Variants in GMDS observed in about 807,000 individuals in gnomAD.
GMDS encodes the protein GDP-mannose 4,6 dehydratase.
GMDS carries 20 observed loss-of-function variants against 49.9 expected under a neutral mutation model. That is an observed-to-expected ratio of 0.40 (90% confidence interval 0.28 to 0.58). The LOEUF is 0.58. Ranked by LOEUF, GMDS falls within the 20% of genes least tolerant of loss-of-function variation. The pLI, the probability that GMDS is intolerant of heterozygous loss-of-function variation, is 0.42. For synonymous variants in GMDS, 177 were observed against 178.6 expected (o/e 0.99, Z 0.07); for missense variants, 362 against 481.4 (o/e 0.75, Z 2.32).
At chr6:1,872,342 T>A (rs889114420) in intron 7 of GMDS, among the ~76,000 whole-genome samples, 29 of 152,378 alleles carry the variant, frequency 1.9e-4, no homozygotes, top group African/African-American at 7.0e-4. Context: ...TTCTTTTGCC[T>A]ATGACTTGCA....
intron 1 of GMDS, among the ~76,000 whole-genome samples, chr6:2,240,041 A>G (rs908840268): frequency 6.6e-6 from 1 of 152,190 alleles, no homozygotes; most frequent in Non-Finnish European, 1.5e-5. Flanking sequence ...AAATCCCAGC[A>G]AGGAAGATTT....
At chr6:1,875,709 C>G (rs368146208) in intron 7 of GMDS, among the ~76,000 whole-genome samples, 1 of 152,056 alleles carries the variant, frequency 6.6e-6, no homozygotes, top group African/African-American at 2.4e-5. Flanking sequence ...AATAATAGCA[C>G]ATTGTTAATC....
intron 1 of GMDS, among the ~76,000 whole-genome samples, chr6:2,161,986 G>A (rs757124538): frequency 3.3e-5 from 5 of 152,084 alleles, no homozygotes; most frequent in Admixed American, 6.5e-5. Context: ...AAAAAACAGA[G>A]CTGGTTCTCT....
intron 1 of GMDS, among the ~76,000 whole-genome samples, chr6:2,241,442 C>G (rs377205383): frequency 3.9e-5 from 6 of 152,046 alleles, no homozygotes; most frequent in African/African-American, 1.4e-4. Flanking sequence ...TCTGGGGGGT[C>G]AGGGATGGAA....
intron 7 of GMDS, among the ~76,000 whole-genome samples, chr6:1,797,931 G>A (rs1285771559): frequency 2.6e-5 from 4 of 152,150 alleles, no homozygotes; most frequent in African/African-American, 9.7e-5. Flanking sequence ...ACACTTTGAT[G>A]TCTCTGTTTG....
intron 7 of GMDS, among the ~76,000 whole-genome samples, chr6:1,921,717 C>T (rs1045834427): frequency 8.5e-5 from 13 of 152,090 alleles, no homozygotes; most frequent in Admixed American, 5.9e-4. Context: ...TTAATCAAGG[C>T]CCTTGAATTG....
chr6:1,673,998 C>T lies in GMDS; in HGVS notation c.988-49458G>A, dbSNP rs146978585. Among the ~76,000 whole-genome samples, 8 of 90,346 alleles carry T rather than the reference C, an allele frequency of 8.9e-5. No homozygotes were observed. In the East Asian group the frequency reaches 1.0e-3, roughly 11 times the overall value. The allele number at this position is 90,346 out of a possible 152,430, so 59.3% of individuals were successfully genotyped here. ...AATAATGCTGCTATAAACATCTATG[C>T]GCAGGTTTTTCTGAGGACATGTTTT... On this transcript the variant is annotated intron_variant, in intron 9 of 10. Transcript: ENST00000380815.
At chr6:2,228,926 G>A (rs943998201) in intron 1 of GMDS, among the ~76,000 whole-genome samples, 4 of 152,160 alleles carry the variant, frequency 2.6e-5, no homozygotes, top group Non-Finnish European at 5.9e-5. Flanking sequence ...CCAGGCTCTG[G>A]GCAGCAACCA....
intron 6 of GMDS, chr6:1,949,023 C>T (rs1763216312): frequency 2.1e-6 from 2 of 945,490 alleles, no homozygotes; most frequent in Non-Finnish European, 2.5e-6. Flanking sequence ...CCACAGCAAT[C>T]CCACTAACAG....
At position 2,245,433 on chromosome 6, in the gene GMDS, G is replaced by GGGCGTGCGGTCGGCGGCAGGGC; in HGVS notation, c.-33_-12dup. ...CGGTGCGTGTGCCATGTCCCGCGGC[G>GGGCGTGCGGTCGGCGGCAGGGC]GGCGTGCGGTCGGCGGCAGGGCGGA... On this transcript the variant is annotated 5_prime_UTR_variant, in exon 1 of 11. Coordinates refer to ENST00000380815, the MANE Select transcript of GMDS (RefSeq NM_001500.4). 1 of 1,454,276 alleles carries GGGCGTGCGGTCGGCGGCAGGGC rather than the reference G, an allele frequency of 6.9e-7. No individual in the cohort carries two copies. The highest frequency in any genetic ancestry group is 9.0e-7 in the Non-Finnish European group (1 of 1,109,400). 90.1% of individuals were successfully genotyped at this position (1,454,276 alleles called of 1,614,324 possible). A position where few individuals can be genotyped will look rare whatever the true frequency, so the allele number is the denominator to read the frequency against.
intron 9 of GMDS, among the ~76,000 whole-genome samples, chr6:1,690,513 A>C (rs1765133998): frequency 6.6e-6 from 1 of 152,186 alleles, no homozygotes; most frequent in Admixed American, 6.5e-5. Context: ...GGTCTGTTGA[A>C]GATCAGACGG....
At chr6:2,049,200 T>A (rs1770212894) in intron 4 of GMDS, among the ~76,000 whole-genome samples, 1 of 152,170 alleles carries the variant, frequency 6.6e-6, no homozygotes. Context: ...TGAGCTAAGA[T>A]TAATGCCAAA....
intron 7 of GMDS, among the ~76,000 whole-genome samples, chr6:1,821,381 G>C (rs554677326): frequency 1.3e-5 from 2 of 151,898 alleles, no homozygotes; most frequent in African/African-American, 4.8e-5. Context: ...GGGTGGGGAC[G>C]GGGGGCAGCT....
chr6:1,707,330 AT>A (rs748284355), intron 9 of GMDS, among the ~76,000 whole-genome samples: 3 of 152,220 alleles, frequency 2.0e-5, no homozygotes, highest in Middle Eastern at 3.2e-3. Flanking sequence ...AAAAATATCT[AT>A]CTGTTGATCC....
chr6:1,923,525 T>C (rs2113909143), intron 7 of GMDS, among the ~76,000 whole-genome samples: 1 of 152,330 alleles, frequency 6.6e-6, no homozygotes, highest in South Asian at 2.1e-4. Flanking sequence ...GCAGCTGGTC[T>C]TGCTCTCTCA....
At chr6:2,040,867 ACTGT>A (rs774370818) in intron 4 of GMDS, among the ~76,000 whole-genome samples, 3 of 152,206 alleles carry the variant, frequency 2.0e-5, no homozygotes, top group Non-Finnish European at 4.4e-5. Context: ...ACTTGTGTAG[ACTGT>A]CTATTTCTTC....
intron 1 of GMDS, among the ~76,000 whole-genome samples, chr6:2,160,674 T>C (rs1249919754): frequency 6.6e-6 from 1 of 152,094 alleles, no homozygotes; most frequent in African/African-American, 2.4e-5. Context: ...TAGCTGGAAC[T>C]AGAGGTGCAC....
At chr6:2,202,441 T>C (rs1190162932) in intron 1 of GMDS, among the ~76,000 whole-genome samples, 3 of 151,930 alleles carry the variant, frequency 2.0e-5, no homozygotes, top group Non-Finnish European at 2.9e-5. Flanking sequence ...TTCTATTTTT[T>C]TTTTTTTTTA....
intron 1 of GMDS, among the ~76,000 whole-genome samples, chr6:2,239,366 T>C (rs577329320): frequency 1.3e-4 from 20 of 151,882 alleles, no homozygotes; most frequent in South Asian, 4.1e-4. Flanking sequence ...GCTTTATGTC[T>C]AAAACTGAAA....
Sources: allele counts gnomAD v4.1 joint callset (sites outside exome capture counted in the v4.1 genomes callset), GRCh38; gene constraint gnomAD v4.1.1; transcripts MANE v1.5; gene names NCBI Gene and HGNC (gene_info 2026-07-23, HGNC 2026-07-21).